The following SYN3 variants were observed in gnomAD, a reference collection of about 807,000 sequenced individuals.
SYN3 encodes synapsin-3.
A neutral mutation model predicts 65.8 loss-of-function variants in SYN3; 35 were observed. The observed-to-expected ratio is 0.53, with a 90% confidence interval of 0.41 to 0.70. The LOEUF is 0.70. Among genes scored for constraint, SYN3 ranks in the 30% least tolerant of loss-of-function variants. The probability of loss-of-function intolerance (pLI) is 0.00; values close to 1 mark genes in which losing one functional copy is unlikely to be tolerated. For missense variants in SYN3, 680 were observed against 749.0 expected, an observed-to-expected ratio of 0.91 and a Z score of 1.08; for synonymous variants, 270 against 292.9, an observed-to-expected ratio of 0.92 and a Z score of 0.80.
chr22:32,764,467 T>G (rs560363198), intron 6 of SYN3, among the ~76,000 whole-genome samples: 1 of 152,304 alleles, frequency 6.6e-6, no homozygotes, highest in South Asian at 2.1e-4. Context: ...ACAGCCTCAC[T>G]GCTGCGGGTG....
chr22:32,778,412 C>T (rs1417676881), intron 6 of SYN3, among the ~76,000 whole-genome samples: 1 of 152,120 alleles, frequency 6.6e-6, no homozygotes, highest in Non-Finnish European at 1.5e-5. Flanking sequence ...CCTAAGCCTC[C>T]CAAGTAGCTG....
intron 6 of SYN3, among the ~76,000 whole-genome samples, chr22:32,617,906 G>A (rs560625659): frequency 6.6e-6 from 1 of 152,038 alleles, no homozygotes; most frequent in East Asian, 1.9e-4. Context: ...TGTTTCTGGA[G>A]CAAGACCTCT....
intron 12 of SYN3, among the ~76,000 whole-genome samples, chr22:32,519,151 AG>A (rs1247134838): frequency 1.3e-5 from 2 of 152,176 alleles, no homozygotes; most frequent in African/African-American, 4.8e-5. Context: ...AGGCCCCCCC[AG>A]TCTATGGCAT....
intron 4 of SYN3, among the ~76,000 whole-genome samples, chr22:32,892,200 G>T (rs2049468231): frequency 5.3e-5 from 8 of 152,154 alleles, no homozygotes; most frequent in Admixed American, 3.9e-4. Flanking sequence ...GGTGGCTGAG[G>T]CAGGAGAAGT....
chr22:32,907,579 C>A (rs775709515), intron 4 of SYN3, among the ~76,000 whole-genome samples: 1 of 151,906 alleles, frequency 6.6e-6, no homozygotes, highest in East Asian at 1.9e-4. Context: ...AGTAGGGAGC[C>A]AAAAAATTCA....
intron 6 of SYN3, among the ~76,000 whole-genome samples, chr22:32,621,847 C>T (rs942606508): frequency 3.9e-5 from 6 of 152,134 alleles, no homozygotes; most frequent in Non-Finnish European, 5.9e-5. Context: ...GACTCACTCA[C>T]GTTCACCCAG....
intron 4 of SYN3, among the ~76,000 whole-genome samples, chr22:32,923,984 T>C (rs2050402781): frequency 6.6e-6 from 1 of 152,122 alleles, no homozygotes; most frequent in South Asian, 2.1e-4. Flanking sequence ...GGTAATGGCC[T>C]CCAGCTCCAT....
intron 6 of SYN3, among the ~76,000 whole-genome samples, chr22:32,755,144 T>C (rs2045253654): frequency 6.6e-6 from 1 of 152,192 alleles, no homozygotes; most frequent in African/African-American, 2.4e-5. Context: ...TACTGAGAAC[T>C]ATGGAGTTCC....
chr22:32,751,347 G>A (rs1295270114), intron 6 of SYN3, among the ~76,000 whole-genome samples: 3 of 152,216 alleles, frequency 2.0e-5, no homozygotes, highest in Non-Finnish European at 2.9e-5. Context: ...CTCTGGCCCT[G>A]AGAAGTTAAC....
At chr22:32,679,460 G>C (rs1005962371) in intron 6 of SYN3, among the ~76,000 whole-genome samples, 4 of 152,060 alleles carry the variant, frequency 2.6e-5, no homozygotes, top group Non-Finnish European at 5.9e-5. Flanking sequence ...GTATCTCTTT[G>C]AGATCCTGAT....
chr22:32,770,822 C>T lies in SYN3; in HGVS notation c.711+94093G>A, dbSNP rs573705038. On this transcript the variant is annotated intron_variant, in intron 6 of 13. Transcript: ENST00000358763. Reference sequence around the variant, plus strand: ...TGCTGGGAGGATTAAATGGATTACTCGATATGTAGCACACGGAAGAGTGCC... The same window carrying T: ...TGCTGGGAGGATTAAATGGATTACTTGATATGTAGCACACGGAAGAGTGCC... Among the ~76,000 whole-genome samples the T allele has an allele frequency of 5.6e-4, 72 of 128,776 alleles. 1 individual carries two copies. Among genetic ancestry groups the T allele is most frequent in the African/African-American group, 2.3e-3 (70 of 30,502 alleles). 84.5% of individuals were successfully genotyped at this position (128,776 alleles called of 152,430 possible). A position where few individuals can be genotyped will look rare whatever the true frequency, so the allele number is the denominator to read the frequency against.
intron 7 of SYN3, among the ~76,000 whole-genome samples, chr22:32,545,981 G>C (rs135480): frequency 0.75 from 113,871 of 152,098 alleles, 42,953 homozygotes; most frequent in East Asian, 0.91. Flanking sequence ...CCAGGCTGGA[G>C]TGCAGTTGTG....
chr22:32,978,354 T>C (rs1478009889), intron 3 of SYN3, among the ~76,000 whole-genome samples: 1 of 151,580 alleles, frequency 6.6e-6, no homozygotes, highest in Non-Finnish European at 1.5e-5. Flanking sequence ...CTGGCTAAGG[T>C]GGAAGGTAGA....
intron 3 of SYN3, among the ~76,000 whole-genome samples, chr22:32,971,481 G>T (rs186467317): frequency 6.6e-6 from 1 of 152,158 alleles, no homozygotes; most frequent in East Asian, 1.9e-4. Context: ...AGTTCTGTCC[G>T]ACTCAGTCCT....
intron 7 of SYN3, among the ~76,000 whole-genome samples, chr22:32,579,430 G>T (rs1478744342): frequency 3.9e-5 from 6 of 152,152 alleles, no homozygotes; most frequent in Non-Finnish European, 8.8e-5. Context: ...TCACACAGCG[G>T]AAGGGGCAAG....
intron 3 of SYN3, among the ~76,000 whole-genome samples, chr22:32,939,608 A>T (rs1167915571): frequency 6.6e-6 from 1 of 152,200 alleles, no homozygotes; most frequent in Admixed American, 6.5e-5. Flanking sequence ...CTATAAATGA[A>T]ATCTCACAGT....
At chr22:32,770,161 C>A (rs1277534117) in intron 6 of SYN3, among the ~76,000 whole-genome samples, 7 of 152,192 alleles carry the variant, frequency 4.6e-5, no homozygotes, top group Admixed American at 6.5e-5. Context: ...AATCCATCAG[C>A]AAATTCTCCT....
At chr22:32,693,908 C>T (rs1311949994) in intron 6 of SYN3, among the ~76,000 whole-genome samples, 1 of 151,914 alleles carries the variant, frequency 6.6e-6, no homozygotes, top group South Asian at 2.1e-4. Flanking sequence ...TATTGAACAT[C>T]TTTATTTTTG....
At chr22:32,882,831 A>C (rs958686429) in intron 4 of SYN3, among the ~76,000 whole-genome samples, 1 of 152,092 alleles carries the variant, frequency 6.6e-6, no homozygotes. Context: ...ATGTATATGA[A>C]TATTTAAAAA....
Sources: allele counts gnomAD v4.1 joint callset (sites outside exome capture counted in the v4.1 genomes callset), GRCh38; gene constraint gnomAD v4.1.1; transcripts MANE v1.5; gene names NCBI Gene and HGNC (gene_info 2026-07-23, HGNC 2026-07-21).